MRM1: variants seen among roughly 807,000 people sequenced by gnomAD.
MRM1 encodes the protein mitochondrial rRNA methyltransferase 1.
In MRM1, 24 loss-of-function variants were observed where a neutral mutation model predicts 25.0. That is an observed-to-expected ratio of 0.96 (90% CI 0.69 to 1.35). The LOEUF is 1.35. MRM1 is among the 40% of genes most tolerant of loss of function. The probability of loss-of-function intolerance (pLI) is 0.00; values close to 1 mark genes in which losing one functional copy is unlikely to be tolerated. For synonymous variants in MRM1, 188 were observed against 199.2 expected, an observed-to-expected ratio of 0.94 and a Z score of 0.47; for missense variants, 431 against 464.1, an observed-to-expected ratio of 0.93 and a Z score of 0.65.
the MRM1 span, among the ~76,000 whole-genome samples, chr17:36,625,316 T>C: frequency 8.6e-6 from 1 of 116,764 alleles, no homozygotes; most frequent in Non-Finnish European, 1.8e-5. Context: ...TCTTCTTCTT[T>C]CTTCTCCTTC....
intron 2 of MRM1, among the ~76,000 whole-genome samples, 188 bp from the exon 3 acceptor site, chr17:36,607,482 G>A (rs1384403299): frequency 1.3e-5 from 2 of 152,044 alleles, no homozygotes; most frequent in Non-Finnish European, 2.9e-5. Context: ...AACTAGCCGG[G>A]TGGGGTGGCG....
downstream of MRM1, among the ~76,000 whole-genome samples, chr17:36,613,754 C>T (rs951131724): frequency 2.6e-5 from 4 of 152,070 alleles, no homozygotes; most frequent in Admixed American, 6.6e-5. Flanking sequence ...GTACTGGGCG[C>T]GCTGCCTTTA....
rs1051745500 is a variant in MRM1, at chr17:36,602,639, T to G, written c.629T>G (p.Phe210Cys). 2.5e-6 allele frequency: 4 copies of G among 1,613,992 alleles called. No individual in the cohort carries two copies. Among genetic ancestry groups the G allele is most frequent in the Non-Finnish European group, 3.4e-6 (4 of 1,180,002 alleles). ...DVFSTDDLTG[F>C]LQTKAQQGWL... is the part of the protein sequence containing the mutation. ...TTCTCCACTGATGACCTCACCGGAT[T>G]TTTACAGGTAATGAGGGGCAAGAGG... Residue 210 changes from phenylalanine (F) to cysteine (C), a missense_variant, in exon 2 of 5, where the codon TTT becomes TGT. Phe to Cys is a radical substitution (Grantham distance 205, BLOSUM62 -2). Transcript: ENST00000614766. This position sits in a 1 kb window ranked among gnomAD's most constrained non-coding sequence, Gnocchi z 4.1.
chr17:36,620,146 T>A, the MRM1 span, among the ~76,000 whole-genome samples: 4 of 152,250 alleles, frequency 2.6e-5, no homozygotes, highest in Admixed American at 2.6e-4. Flanking sequence ...ATTGTGTAGG[T>A]GGCCTTTTCA....
At chr17:36,617,948 G>A in the MRM1 span, among the ~76,000 whole-genome samples, 2 of 152,282 alleles carry the variant, frequency 1.3e-5, no homozygotes, top group East Asian at 1.9e-4. Flanking sequence ...CTGTGCCCTC[G>A]GGGCTGATCG....
rs2074869588 is a variant in MRM1, at chr17:36,601,787, C to G, written c.-24C>G. On this transcript the variant is annotated 5_prime_UTR_variant, in exon 1 of 5. The change creates a new upstream start codon in the 5' untranslated region. Transcript: ENST00000614766. Reference sequence around the variant, plus strand: ...CTCCCGGGGACGCAGCAAGGGGCATCGAGTCCCTGGCGGGAGCTGCGCCAT... The same window carrying G: ...CTCCCGGGGACGCAGCAAGGGGCATGGAGTCCCTGGCGGGAGCTGCGCCAT... The G allele has an allele frequency of 5.9e-6, 9 of 1,519,520 alleles. No homozygotes were observed. Among genetic ancestry groups the G allele is most frequent in the African/African-American group, 1.4e-5 (1 of 72,496 alleles). The allele number at this position is 1,519,520 out of a possible 1,614,324, so 94.1% of individuals were successfully genotyped here. A position where few individuals can be genotyped will look rare whatever the true frequency, so the allele number is the denominator to read the frequency against.
the MRM1 span, among the ~76,000 whole-genome samples, chr17:36,629,266 G>A: frequency 6.6e-6 from 1 of 152,176 alleles, no homozygotes. Context: ...TGCCCTCGCT[G>A]GATTCTAGGG....
rs2074866321 is a variant in MRM1, at chr17:36,601,605, C to T, written c.-206C>T. On this transcript the variant is annotated 5_prime_UTR_variant, in exon 1 of 5. It adds an upstream start codon to the 5' untranslated region. Transcript: ENST00000614766. ...CCCGAACCCGGAAGCGAGGGACCCA[C>T]GTGGGAGCCTGGGAGCGGGTGGTCG... 4.1e-6 allele frequency: 2 copies of T among 490,222 alleles called. No homozygotes were observed. Among genetic ancestry groups the T allele is most frequent in the Non-Finnish European group, 6.9e-6 (2 of 289,052 alleles). The allele number at this position is 490,222 out of a possible 1,614,324, so 30.4% of individuals were successfully genotyped here.
chr17:36,610,745 T>C (rs1191533835), downstream of MRM1, among the ~76,000 whole-genome samples: 1 of 152,202 alleles, frequency 6.6e-6, no homozygotes, highest in African/African-American at 2.4e-5. Flanking sequence ...ATATTTTTAA[T>C]ATTTCAGAAG....
the MRM1 span, among the ~76,000 whole-genome samples, chr17:36,625,216 A>G: frequency 2.5e-4 from 38 of 152,160 alleles, 1 homozygote; most frequent in Admixed American, 2.4e-3. Flanking sequence ...ACCCCTGCTC[A>G]GAAACCTTCA....
Position 36,601,803 on chromosome 17 carries a change from G to A in MRM1, c.-8G>A. On this transcript the variant is annotated 5_prime_UTR_variant, in exon 1 of 5. Coordinates refer to ENST00000614766, the MANE Select transcript of MRM1 (RefSeq NM_024864.5). ...AAGGGGCATCGAGTCCCTGGCGGGAGCTGCGCCATGGCATTGCTCTCGACC... is the reference window on the plus strand; with the variant it reads ...AAGGGGCATCGAGTCCCTGGCGGGAACTGCGCCATGGCATTGCTCTCGACC... 1 of 1,529,132 alleles carries A rather than the reference G, an allele frequency of 6.5e-7. No individual in the cohort carries two copies. The highest frequency in any genetic ancestry group is 8.8e-7 in the Non-Finnish European group (1 of 1,140,228). 94.7% of individuals were successfully genotyped at this position (1,529,132 alleles called of 1,614,324 possible).
Position 36,607,669 on chromosome 17 carries a change from G to GA in MRM1, c.637dup (p.Thr213AsnfsTer47). 2.5e-6 allele frequency: 4 copies of GA among 1,611,562 alleles called. No individual in the cohort carries two copies. Among genetic ancestry groups the GA allele is most frequent in the Non-Finnish European group, 3.4e-6 (4 of 1,179,076 alleles). ...AGAACATATCTTCTTCCCCCTTTCA[G>GA]ACCAAAGCCCAGCAGGGCTGGCTCG... On this transcript the variant is annotated frameshift_variant and splice_region_variant. Transcript: ENST00000614766. LOFTEE classifies it high-confidence loss of function.
the MRM1 span, among the ~76,000 whole-genome samples, chr17:36,622,507 G>A: frequency 6.6e-6 from 1 of 151,828 alleles, no homozygotes; most frequent in South Asian, 2.1e-4. Context: ...AGGAGGCAGA[G>A]GTTGCAGTGA....
the MRM1 span, among the ~76,000 whole-genome samples, chr17:36,633,254 A>G: frequency 2.0e-5 from 3 of 152,086 alleles, no homozygotes; most frequent in Non-Finnish European, 4.4e-5. Context: ...CCACTCCTCA[A>G]AGGAAGAAGG....
At position 36,602,545 on chromosome 17, in the gene MRM1, C is replaced by A; in HGVS notation, c.543-8C>A. ...CAGCCTAATGCGGGGAACGGGGAAA[C>A]CTTGCAGCTGCCCGCTCACTCCAGT... On this transcript the variant is annotated splice_polypyrimidine_tract_variant and splice_region_variant and intron_variant, in intron 1 of 4. Coordinates refer to ENST00000614766, the MANE Select transcript of MRM1 (RefSeq NM_024864.5). The surrounding 1 kb of genome is among the most constrained non-coding windows in gnomAD (Gnocchi z 4.1). 1 of 1,614,156 alleles carries A rather than the reference C, an allele frequency of 6.2e-7. No homozygotes were observed. Among genetic ancestry groups the A allele is most frequent in the East Asian group, 2.2e-5 (1 of 44,874 alleles).
the MRM1 span, among the ~76,000 whole-genome samples, chr17:36,620,820 T>C: frequency 6.6e-6 from 1 of 152,180 alleles, no homozygotes. Context: ...CCCTGGAGCC[T>C]GAACCCAAGC....
At chr17:36,621,652 A>G in the MRM1 span, among the ~76,000 whole-genome samples, 1 of 152,150 alleles carries the variant, frequency 6.6e-6, no homozygotes, top group African/African-American at 2.4e-5. Context: ...TGCTGTGAGT[A>G]CACTTTGAGG....
At position 36,601,948 on chromosome 17, in the gene MRM1, C is replaced by T; in HGVS notation, c.138C>T (p.Thr46=). Residue 46 remains threonine (T), a synonymous_variant, in exon 1 of 5, where the codon ACC becomes ACT. Coordinates refer to ENST00000614766, the MANE Select transcript of MRM1 (RefSeq NM_024864.5). ...TGCTGCTGGATGACCTGGTGCCGAC[C>T]TCTCGGCTGGAGCTTCTGTTTGGCA... is the stretch of plus-strand genomic sequence containing the variant. ...SRLLLDDLVP[T]SRLELLFGMT... is the part of the protein sequence containing the mutation. The T allele has an allele frequency of 6.2e-7, 1 of 1,613,174 alleles. No individual in the cohort carries two copies. The highest frequency in any genetic ancestry group is 8.5e-7 in the Non-Finnish European group (1 of 1,179,876).
chr17:36,618,920 G>C, the MRM1 span, among the ~76,000 whole-genome samples: 1 of 152,196 alleles, frequency 6.6e-6, no homozygotes, highest in African/African-American at 2.4e-5. Context: ...TGTGGCTTTT[G>C]TTGTTATTGT....
Sources: allele counts gnomAD v4.1 joint callset (sites outside exome capture counted in the v4.1 genomes callset), GRCh38; gene constraint gnomAD v4.1.1; non-coding constraint Gnocchi (gnomAD v3.1); transcripts MANE v1.5; gene names NCBI Gene and HGNC (gene_info 2026-07-23, HGNC 2026-07-21).